The following AMELX variants were observed in gnomAD, a reference collection of about 807,000 sequenced individuals.
AMELX encodes the protein amelogenin, X isoform.
In AMELX, 9 loss-of-function variants were observed where a neutral mutation model predicts 15.8. The observed-to-expected ratio is 0.57, with a 90% CI of 0.34 to 0.99. The LOEUF is 0.99. Among genes scored for constraint, AMELX ranks in the 50% least tolerant of loss-of-function variants. The probability of loss-of-function intolerance (pLI) is 0.02; values close to 1 mark genes in which losing one functional copy is unlikely to be tolerated. For missense variants in AMELX, 107 were observed against 156.2 expected, an observed-to-expected ratio of 0.68 and a Z score of 1.68; for synonymous variants, 61 against 58.8, an observed-to-expected ratio of 1.04 and a Z score of -0.17.
At chrX:11,297,926 C>A (rs1238324156) in intron 3 of AMELX, among the ~76,000 whole-genome samples, 2 of 112,315 alleles carry the variant, frequency 1.8e-5, no homozygotes, top group Non-Finnish European at 3.8e-5. Context: ...CCTGTGTAAC[C>A]TCAGTCAAGT....
the AMELX span, among the ~76,000 whole-genome samples, chrX:11,309,561 T>A: frequency 0.011 from 1,164 of 110,242 alleles, 11 homozygotes; most frequent in African/African-American, 0.037. Context: ...GGAAGAAAAG[T>A]GTAAAAGTTA....
intron 3 of AMELX, among the ~76,000 whole-genome samples, chrX:11,297,248 C>G (rs1293304855): frequency 1.8e-5 from 2 of 111,907 alleles, no homozygotes; most frequent in Non-Finnish European, 3.8e-5. Context: ...TCTTGCTTGC[C>G]TCTGCTGAAA....
chrX:11,296,940 T>C lies in AMELX; in HGVS notation c.102+114T>C. The C allele has an allele frequency of 1.0e-5, 10 of 999,027 alleles. No individual in the cohort carries two copies. In the South Asian group the frequency reaches 2.0e-4, roughly 20 times the overall value. 82.3% of individuals were successfully genotyped at this position (999,027 alleles called of 1,213,427 possible). On this transcript the variant is annotated intron_variant, in intron 3 of 5. Coordinates refer to ENST00000380714, the MANE Select transcript of AMELX (RefSeq NM_001142.2). ...AGATGTTTCTCAAGTGGTCCTGATT[T>C]TACAGTTCCTACCACCAGCTTCCCA...
intron 3 of AMELX, 132 bp downstream of exon 3, chrX:11,296,958 G>A (rs1311590745): frequency 3.2e-6 from 3 of 933,721 alleles, no homozygotes; most frequent in East Asian, 3.1e-5. Flanking sequence ...CCTACCACCA[G>A]CTTCCCAGTT....
Position 11,296,034 on chromosome X carries a change from T to G in AMELX, c.55-745T>G, listed in dbSNP as rs776692529. Among the ~76,000 whole-genome samples, 13 of 111,889 alleles carry G rather than the reference T, an allele frequency of 1.2e-4. No individual in the cohort carries two copies. The Admixed American group carries it at 1.2e-3, about 11-fold the overall frequency. ...TTCAGGTGGCCTTTTATTTTTAACTTGAAAATTTTTCTGCCATAAAACCGT... is the reference window on the plus strand; with the variant it reads ...TTCAGGTGGCCTTTTATTTTTAACTGGAAAATTTTTCTGCCATAAAACCGT... On this transcript the variant is annotated intron_variant, in intron 2 of 5. Transcript: ENST00000380714.
intron 4 of AMELX, 51 bp downstream of exon 4, chrX:11,298,328 A>C: frequency 8.6e-7 from 1 of 1,157,370 alleles, no homozygotes; most frequent in South Asian, 1.8e-5. Context: ...GCATGCATTA[A>C]AATTCCCATA....
downstream of AMELX, among the ~76,000 whole-genome samples, chrX:11,302,980 A>T (rs2048190483): frequency 2.7e-5 from 3 of 112,388 alleles, no homozygotes; most frequent in Admixed American, 1.9e-4. Flanking sequence ...ACCAAGACTG[A>T]GTTTAAGGCC....
At chrX:11,300,398 C>T (rs777172917) in intron 5 of AMELX, among the ~76,000 whole-genome samples, 1 of 111,635 alleles carries the variant, frequency 9.0e-6, no homozygotes, top group East Asian at 2.8e-4. Flanking sequence ...AAATAATAGG[C>T]TTTAAGTGTC....
the AMELX span, among the ~76,000 whole-genome samples, chrX:11,308,992 G>A: frequency 8.9e-6 from 1 of 111,896 alleles, no homozygotes; most frequent in East Asian, 2.8e-4. Flanking sequence ...AACAGGCAGA[G>A]GCAGTGTGAC....
intron 1 of AMELX, among the ~76,000 whole-genome samples, chrX:11,293,956 C>G: frequency 8.9e-6 from 1 of 112,385 alleles, no homozygotes; most frequent in Admixed American, 9.4e-5. Flanking sequence ...GGTCTTTCTT[C>G]TGACAGTTTT....
At chrX:11,294,966 T>A (rs1603031601) in intron 2 of AMELX, 124 bp downstream of exon 2, 1 of 784,189 alleles carries the variant, frequency 1.3e-6, no homozygotes, top group East Asian at 3.2e-5. Context: ...CATATGTCTC[T>A]GGGTTGAAGA....
At chrX:11,301,848 T>C (rs146048933), downstream of AMELX, among the ~76,000 whole-genome samples, 1,302 of 112,070 alleles carry the variant, frequency 0.012, 30 homozygotes, top group African/African-American at 0.039. Flanking sequence ...ATTAATACTA[T>C]GACAGAAGTA....
chrX:11,297,281 G>A (rs1380533456), intron 3 of AMELX, among the ~76,000 whole-genome samples: 2 of 111,961 alleles, frequency 1.8e-5, no homozygotes, highest in East Asian at 5.6e-4. Flanking sequence ...AGTGGTATAG[G>A]AGAGACTCCG....
At chrX:11,304,777 C>CT (rs953912280), downstream of AMELX, among the ~76,000 whole-genome samples, 957 of 50,249 alleles carry the variant, frequency 0.019, 230 homozygotes, top group African/African-American at 0.06. Flanking sequence ...CTTTCTTTTA[C>CT]TTTTTTTTTT....
chrX:11,300,583 C>G (rs183940749), intron 5 of AMELX, 24 bp from the exon 6 acceptor site: 9 of 1,164,947 alleles, frequency 7.7e-6, no homozygotes, highest in Non-Finnish European at 9.3e-6. Flanking sequence ...ATTATTTTAA[C>G]TGTTCTTTTG....
chrX:11,295,602 A>G (rs2147563814), intron 2 of AMELX, among the ~76,000 whole-genome samples: 1 of 111,149 alleles, frequency 9.0e-6, no homozygotes, highest in Non-Finnish European at 1.9e-5. Context: ...GAAGCCAGCA[A>G]GCTTGCACCC....
At chrX:11,300,527 A>T in intron 5 of AMELX, 80 bp from the exon 6 acceptor site, 1 of 849,646 alleles carries the variant, frequency 1.2e-6, no homozygotes, top group Non-Finnish European at 1.7e-6. Context: ...ACAAAACTGA[A>T]GCCAGACATG....
At chrX:11,303,606 G>A (rs886213036), downstream of AMELX, among the ~76,000 whole-genome samples, 13 of 111,865 alleles carry the variant, frequency 1.2e-4, no homozygotes, top group African/African-American at 3.6e-4. Flanking sequence ...AAAAATGAAC[G>A]ATATTAAAAT....
At chrX:11,306,110 C>G in the AMELX span, among the ~76,000 whole-genome samples, 2 of 111,697 alleles carry the variant, frequency 1.8e-5, no homozygotes, top group Non-Finnish European at 3.8e-5. Flanking sequence ...TCTCACTGCT[C>G]TACGTTGGCT....
Sources: gnomAD v4.1 joint callset for allele counts (sites outside exome capture counted in the v4.1 genomes callset) on GRCh38, gnomAD v4.1.1 for gene constraint, MANE v1.5 for transcripts, NCBI Gene and HGNC (gene_info 2026-07-23, HGNC 2026-07-21) for gene names.